The following MDGA2 variants were observed in gnomAD, a reference collection of about 807,000 sequenced individuals.
MDGA2 encodes the protein MAM domain-containing glycosylphosphatidylinositol anchor protein 2.
A neutral mutation model predicts 117.8 loss-of-function variants in MDGA2; 40 were observed. The ratio of observed to expected loss-of-function variants is 0.34; its 90% confidence interval spans 0.26 to 0.44. The LOEUF (loss-of-function observed/expected upper bound fraction) is 0.44. Among genes scored for constraint, MDGA2 ranks in the 20% least tolerant of loss-of-function variants. The probability of loss-of-function intolerance (pLI) is 1.00; values close to 1 mark genes in which losing one functional copy is unlikely to be tolerated. For synonymous variants in MDGA2, 452 were observed against 439.0 expected, an observed-to-expected ratio of 1.03 and a Z score of -0.37; for missense variants, 1,123 against 1,250.6, an observed-to-expected ratio of 0.90 and a Z score of 1.54.
intron 10 of MDGA2, among the ~76,000 whole-genome samples, chr14:46,897,138 TC>T (rs1883106721): frequency 6.6e-6 from 1 of 152,160 alleles, no homozygotes; most frequent in South Asian, 2.1e-4. Context: ...TAATGTGATA[TC>T]CGTATTTATT....
chr14:47,162,423 CTTT>C (rs1327289251), intron 3 of MDGA2, among the ~76,000 whole-genome samples: 1 of 152,082 alleles, frequency 6.6e-6, no homozygotes, highest in Admixed American at 6.6e-5. Flanking sequence ...CTGTCTTCTT[CTTT>C]AATAACCTAT....
At chr14:47,379,751 A>G (rs1891568586) in intron 1 of MDGA2, among the ~76,000 whole-genome samples, 1 of 152,166 alleles carries the variant, frequency 6.6e-6, no homozygotes, top group East Asian at 1.9e-4. Flanking sequence ...AAAGAGACTT[A>G]GACTCCCACA....
At chr14:46,983,701 T>A (rs1472685387) in intron 8 of MDGA2, among the ~76,000 whole-genome samples, 1 of 152,066 alleles carries the variant, frequency 6.6e-6, no homozygotes. Flanking sequence ...AAATTTAAAT[T>A]TTTTGGCACT....
chr14:47,061,163 A>C (rs1889867309), intron 7 of MDGA2, 86 bp downstream of exon 7: 7 of 1,288,540 alleles, frequency 5.4e-6, no homozygotes, highest in Non-Finnish European at 7.5e-6. Flanking sequence ...GGGAAAAAAT[A>C]TTTTTAACTA....
intron 2 of MDGA2, among the ~76,000 whole-genome samples, chr14:47,276,781 T>C (rs1888324663): frequency 6.6e-6 from 1 of 152,192 alleles, no homozygotes; most frequent in Admixed American, 6.5e-5. Context: ...CTTTTGTTCT[T>C]CCTCTGAATT....
At chr14:47,092,815 A>T (rs566053349) in intron 6 of MDGA2, among the ~76,000 whole-genome samples, 1 of 152,066 alleles carries the variant, frequency 6.6e-6, no homozygotes, top group African/African-American at 2.4e-5. Context: ...GGCTGCTTAG[A>T]GGAAAAAGGG....
intron 8 of MDGA2, among the ~76,000 whole-genome samples, chr14:46,987,032 T>C (rs1469574523): frequency 6.6e-6 from 1 of 152,096 alleles, no homozygotes; most frequent in Admixed American, 6.6e-5. Context: ...GGCATGTAGG[T>C]ATGCATGTGT....
chr14:47,281,289 C>T lies in MDGA2; in HGVS notation c.420+20122G>A, dbSNP rs192905927. Among the ~76,000 whole-genome samples, 454 of 151,772 alleles carry T rather than the reference C, an allele frequency of 3.0e-3. 5 individuals are homozygous for T. Among genetic ancestry groups the T allele is most frequent in the African/African-American group, 9.7e-3 (403 of 41,406 alleles). ...CTTAATTAATCTATAAAATTCACCC[C>T]TCTCCCCCCATCCCATGTCAGCTAT... is the stretch of plus-strand genomic sequence containing the variant. On this transcript the variant is annotated intron_variant, in intron 2 of 16. Coordinates refer to ENST00000399232, the MANE Select transcript of MDGA2 (RefSeq NM_001113498.3).
At chr14:46,872,420 T>C (rs34619795) in intron 14 of MDGA2, among the ~76,000 whole-genome samples, 56,184 of 151,774 alleles carry the variant, frequency 0.37, 11,171 homozygotes, top group South Asian at 0.53. Context: ...GAAATGTTCT[T>C]GTTTGTATTG....
At chr14:47,149,570 G>T (rs1356745415) in intron 3 of MDGA2, among the ~76,000 whole-genome samples, 1 of 152,190 alleles carries the variant, frequency 6.6e-6, no homozygotes, top group East Asian at 1.9e-4. Context: ...GTGAGCTGAT[G>T]ATATTTCTGG....
chr14:47,050,016 AG>A (rs1566593053), intron 7 of MDGA2, among the ~76,000 whole-genome samples: 1 of 152,048 alleles, frequency 6.6e-6, no homozygotes, highest in Non-Finnish European at 1.5e-5. Flanking sequence ...ATAGGTCAGA[AG>A]GCAGATACAA....
In MDGA2 at chr14:47,601,113, T is replaced by C. The variant is rs572660238; in HGVS notation, c.280+73404A>G. Among the ~76,000 whole-genome samples the C allele has an allele frequency of 1.5e-4, 23 of 152,300 alleles. No individual in the cohort carries two copies. The South Asian group carries it at 4.6e-3, about 30-fold the overall frequency. On this transcript the variant is annotated intron_variant, in intron 1 of 16. Transcript: ENST00000399232. ...ATCCTAAGCATCTTAATTTAACAAATATTTTTGAGCACTGACTATGTTGTA... is the reference window on the plus strand; with the variant it reads ...ATCCTAAGCATCTTAATTTAACAAACATTTTTGAGCACTGACTATGTTGTA...
chr14:47,206,942 C>T (rs1885706635), intron 3 of MDGA2, among the ~76,000 whole-genome samples: 1 of 151,876 alleles, frequency 6.6e-6, no homozygotes, highest in Admixed American at 6.6e-5. Context: ...TCTTAGAAGT[C>T]AGAGATCATG....
chr14:47,508,512 GA>G (rs1894568003), intron 1 of MDGA2, among the ~76,000 whole-genome samples: 2 of 152,130 alleles, frequency 1.3e-5, no homozygotes, highest in African/African-American at 4.8e-5. Flanking sequence ...GTATAAGTAA[GA>G]AAGGTTATTT....
intron 1 of MDGA2, among the ~76,000 whole-genome samples, chr14:47,478,081 T>C (rs1171544033): frequency 2.0e-5 from 3 of 152,210 alleles, no homozygotes; most frequent in African/African-American, 7.2e-5. Context: ...CAAGACTTCT[T>C]GTATTCTAGT....
chr14:47,515,564 C>T (rs1388418453), intron 1 of MDGA2, among the ~76,000 whole-genome samples: 1 of 152,024 alleles, frequency 6.6e-6, no homozygotes, highest in Non-Finnish European at 1.5e-5. Context: ...GTACTTAAGA[C>T]AGAGATGAGA....
chr14:47,378,738 T>G (rs1033715313), intron 1 of MDGA2, among the ~76,000 whole-genome samples: 2 of 152,200 alleles, frequency 1.3e-5, no homozygotes, highest in African/African-American at 4.8e-5. Context: ...AATCTACGTC[T>G]GATTGGTGTA....
chr14:46,923,984 T>A (rs1884230137), intron 9 of MDGA2, among the ~76,000 whole-genome samples: 1 of 152,060 alleles, frequency 6.6e-6, no homozygotes, highest in Non-Finnish European at 1.5e-5. Flanking sequence ...TGTCACATTC[T>A]AGTTTTATTC....
At chr14:47,300,111 T>A (rs576312631) in intron 2 of MDGA2, among the ~76,000 whole-genome samples, 70 of 152,206 alleles carry the variant, frequency 4.6e-4, no homozygotes, top group Admixed American at 1.2e-3. Flanking sequence ...TACTTAAGGA[T>A]CCGTCAGTAA....
Sources: allele counts gnomAD v4.1 joint callset (sites outside exome capture counted in the v4.1 genomes callset), GRCh38; gene constraint gnomAD v4.1.1; transcripts MANE v1.5; gene names NCBI Gene and HGNC (gene_info 2026-07-23, HGNC 2026-07-21).